CPT2: variants seen among roughly 807,000 people sequenced by gnomAD.
The protein encoded by CPT2 is carnitine O-palmitoyltransferase 2, mitochondrial.
In CPT2, 37 loss-of-function variants were observed where a neutral mutation model predicts 48.6. The ratio of observed to expected loss-of-function variants is 0.76; its 90% CI spans 0.59 to 1.00. The LOEUF (loss-of-function observed/expected upper bound fraction) is 1.00. Among genes scored for constraint, CPT2 ranks in the 50% least tolerant of loss-of-function variants. The probability of loss-of-function intolerance (pLI) is 0.00; values close to 1 mark genes in which losing one functional copy is unlikely to be tolerated. For missense variants in CPT2, 772 were observed against 825.6 expected (o/e 0.94, Z 0.80); for synonymous variants, 319 against 326.9 (o/e 0.98, Z 0.26).
At chr1:53,207,979 AG>A (rs1645398689) in intron 3 of CPT2, 2 of 152,132 alleles carry the variant, frequency 1.3e-5, no homozygotes, top group Non-Finnish European at 2.9e-5. Context: ...AGTCTGCTTT[AG>A]TCATTACCAG....
chr1:53,202,418 G>A lies in CPT2; in HGVS notation c.329G>A (p.Ser110Asn), dbSNP rs1196026446. The change falls in exon 3 of 5, where the codon AGC becomes AAC. Residue 110 changes from serine to asparagine, a missense_variant. By Grantham distance (46) the Ser-to-Asn change is conservative. Transcript: ENST00000371486. ...VALDKQNKHT[S>N]YISGPWFDMY... ...CTGGACAAACAGAATAAACATACAA[G>A]CTACATTTCGGGTAGGTAGGCTGGG... The A allele has an allele frequency of 6.2e-7, 1 of 1,613,700 alleles. No homozygotes were observed. Among genetic ancestry groups the A allele is most frequent in the South Asian group, 1.1e-5 (1 of 91,074 alleles).
At chr1:53,211,634 C>T (rs1269474297) in intron 4 of CPT2, 4 of 449,672 alleles carry the variant, frequency 8.9e-6, no homozygotes, top group Non-Finnish European at 1.6e-5. Flanking sequence ...CAAGAGTTTC[C>T]CTCCGTCCAG....
At chr1:53,198,486 T>A (rs765229501) in intron 1 of CPT2, among the ~76,000 whole-genome samples, 41 of 152,250 alleles carry the variant, frequency 2.7e-4, no homozygotes, top group Admixed American at 2.0e-4. Flanking sequence ...AAAAAGGGGC[T>A]TTGTGCCTGT....
intron 3 of CPT2, chr1:53,209,496 TAAA>T (rs1645407619): frequency 1.1e-5 from 2 of 175,204 alleles, no homozygotes; most frequent in African/African-American, 4.8e-5. Context: ...ATGAAGAACT[TAAA>T]TGCTACAACA....
In CPT2 at chr1:53,213,764, A is replaced by T. The variant is rs1314580792; in HGVS notation, c.*169A>T. On this transcript the variant is annotated 3_prime_UTR_variant, in exon 5 of 5. Transcript: ENST00000371486. ...GCCAACATGGTGAAACCTTGTCTCT[A>T]CTAAAAATACAAAAATTAGCTGGGT... 1 of 622,666 alleles carries T rather than the reference A, an allele frequency of 1.6e-6. No individual in the cohort carries two copies. The highest frequency in any genetic ancestry group is 2.9e-5 in the East Asian group (1 of 34,826). The allele number at this position is 622,666 out of a possible 1,614,324, so 38.6% of individuals were successfully genotyped here. A position where few individuals can be genotyped will look rare whatever the true frequency, so the allele number is the denominator to read the frequency against.
At chr1:53,197,354 C>T in intron 1 of CPT2, 1 of 567,242 alleles carries the variant, frequency 1.8e-6, no homozygotes, top group Non-Finnish European at 3.2e-6. Context: ...CTCAGATTCC[C>T]TCTCCTTTAA....
At chr1:53,204,660 C>T in intron 3 of CPT2, among the ~76,000 whole-genome samples, 1 of 152,106 alleles carries the variant, frequency 6.6e-6, no homozygotes, top group East Asian at 1.9e-4. Context: ...TATGTCCCCA[C>T]CCAAATCTCA....
chr1:53,210,156 G>T lies in CPT2; in HGVS notation c.482G>T (p.Arg161Leu), dbSNP rs1051337309. 6.2e-7 allele frequency: 1 copy of T among 1,613,926 alleles called. No individual in the cohort carries two copies. Among genetic ancestry groups the T allele is most frequent in the African/African-American group, 1.3e-5 (1 of 74,864 alleles). ...RATNMTVSAI[R>L]FLKTLRAGLL... ...ACCAACATGACTGTTTCTGCCATCC[G>T]GTTTCTGAAGACACTCCGGGCTGGC... Residue 161 changes from arginine (R) to leucine (L), a missense_variant, in exon 4 of 5, where the codon CGG (arginine) becomes CTG (leucine). Coordinates refer to ENST00000371486, the MANE Select transcript of CPT2 (RefSeq NM_000098.3).
chr1:53,213,412 C>G lies in CPT2; in HGVS notation c.1794C>G (p.Asn598Lys), dbSNP rs769539793. ...STSTLSSPAV[N>K]LGGFAPVVSD... ...GCACACTGAGCAGCCCAGCAGTGAA[C>G]CTTGGGGGCTTTGCCCCTGTGGTCT... The change falls in exon 5 of 5, where the codon AAC becomes AAG. Residue 598 changes from asparagine (N) to lysine (K), a missense_variant. Physicochemically the swap from Asn to Lys is moderately conservative, Grantham distance 94. Coordinates refer to ENST00000371486, the MANE Select transcript of CPT2 (RefSeq NM_000098.3). The G allele has an allele frequency of 6.2e-7, 1 of 1,614,128 alleles. No homozygotes were observed. The highest frequency in any genetic ancestry group is 1.7e-5 in the Admixed American group (1 of 60,006).
chr1:53,212,343 G>A (rs953382698), intron 4 of CPT2, among the ~76,000 whole-genome samples: 2 of 152,090 alleles, frequency 1.3e-5, no homozygotes, highest in South Asian at 2.1e-4. Flanking sequence ...GATTATAGGC[G>A]TAAGCCACCA....
chr1:53,197,169 T>G, intron 1 of CPT2, 74 bp downstream of exon 1: 1 of 1,513,066 alleles, frequency 6.6e-7, no homozygotes, highest in South Asian at 1.2e-5. Flanking sequence ...CAGTCACTCA[T>G]GACTCCTCTA....
chr1:53,211,446 A>T (rs912080501), intron 4 of CPT2, 127 bp downstream of exon 4: 10 of 1,012,606 alleles, frequency 9.9e-6, no homozygotes, highest in Non-Finnish European at 1.5e-5. Flanking sequence ...CCAACTCCCC[A>T]AATTTTTCTT....
chr1:53,202,615 T>C (rs1645360857), intron 3 of CPT2, 186 bp downstream of exon 3: 1 of 639,204 alleles, frequency 1.6e-6, no homozygotes, highest in South Asian at 1.7e-5. Flanking sequence ...AGGTGTTGAC[T>C]TGAGCCCATG....
At position 53,211,219 on chromosome 1, in the gene CPT2, C is replaced by T. The variant is rs201663642; in HGVS notation, c.1545C>T (p.Ala515=). 8.5e-5 allele frequency: 137 copies of T among 1,609,734 alleles called. 1 individual carries two copies. In the East Asian group the frequency reaches 1.6e-3, roughly 19 times the overall value. ...TCTATACAAAGAGGTGCTCTGAGGC[C>T]TTTGTCAGGGAGCCCTCCAGGCACA... ...ASVYTKRCSE[A]FVREPSRHSA... The change falls in exon 4 of 5, where the codon GCC becomes GCT. Residue 515 remains alanine, a synonymous_variant. Coordinates refer to ENST00000371486, the MANE Select transcript of CPT2 (RefSeq NM_000098.3).
At chr1:53,211,765 G>GT (rs1225837660) in intron 4 of CPT2, among the ~76,000 whole-genome samples, 1 of 151,668 alleles carries the variant, frequency 6.6e-6, no homozygotes, top group African/African-American at 2.4e-5. Flanking sequence ...CACCTGGCTA[G>GT]TTTTTGCATT....
intron 3 of CPT2, 135 bp downstream of exon 3, chr1:53,202,564 T>G: frequency 2.7e-6 from 2 of 744,990 alleles, no homozygotes; most frequent in Admixed American, 2.0e-5. Context: ...CATCCTCCCT[T>G]CCTGAGGTAA....
chr1:53,213,848 C>T lies in CPT2; in HGVS notation c.*253C>T. On this transcript the variant is annotated 3_prime_UTR_variant, in exon 5 of 5. Coordinates refer to ENST00000371486, the MANE Select transcript of CPT2 (RefSeq NM_000098.3). ...GGAGGTTGAAGCAGAATTGCTTGAACCCAGGAGGTGGAGGTTGCAGTGAGC... is the reference window on the plus strand; with the variant it reads ...GGAGGTTGAAGCAGAATTGCTTGAATCCAGGAGGTGGAGGTTGCAGTGAGC... The T allele has an allele frequency of 2.2e-6, 1 of 446,576 alleles. No homozygotes were observed. The highest frequency in any genetic ancestry group is 2.0e-5 in the South Asian group (1 of 48,792). 27.7% of individuals were successfully genotyped at this position (446,576 alleles called of 1,614,324 possible). A position where few individuals can be genotyped will look rare whatever the true frequency, so the allele number is the denominator to read the frequency against.
At chr1:53,209,422 G>A (rs1645407160) in intron 3 of CPT2, 1 of 156,472 alleles carries the variant, frequency 6.4e-6, no homozygotes. Flanking sequence ...TCCATTACCT[G>A]ATGAGTGGAT....
intron 4 of CPT2, 80 bp from the exon 5 acceptor site, chr1:53,213,184 C>G: frequency 7.0e-7 from 1 of 1,433,240 alleles, no homozygotes; most frequent in South Asian, 1.2e-5. Context: ...AGGGGTATTC[C>G]TACCATGTGG....
Sources: allele counts gnomAD v4.1 joint callset (sites outside exome capture counted in the v4.1 genomes callset), GRCh38; gene constraint gnomAD v4.1.1; transcripts MANE v1.5; gene names NCBI Gene and HGNC (gene_info 2026-07-23, HGNC 2026-07-21).